UBA6: variants seen among roughly 807,000 people sequenced by gnomAD.
The protein encoded by UBA6 is ubiquitin-like modifier-activating enzyme 6.
In UBA6, 87 loss-of-function variants were observed where a neutral mutation model predicts 148.3. That is an observed-to-expected ratio of 0.59 (90% confidence interval 0.49 to 0.70). The LOEUF is 0.70. UBA6 is among the 30% of genes least tolerant of loss of function. UBA6 has a pLI of 0.00. For missense variants in UBA6, 1,186 were observed against 1,241.2 expected (o/e 0.96, Z 0.67); for synonymous variants, 376 against 401.0 (o/e 0.94, Z 0.75).
Position 67,622,936 on chromosome 4 carries a change from A to AT in UBA6, c.2929-12dup. The stretch of plus-strand genomic sequence containing the variant: ...AATTCCATACTTCTCCTAAAAGTGA[A>AT]TATCCAAAAAAGAAACAATGAAAGC... On this transcript the variant is annotated splice_polypyrimidine_tract_variant and intron_variant, in intron 31 of 32. Transcript: ENST00000322244. The AT allele has an allele frequency of 6.3e-7, 1 of 1,584,964 alleles. No homozygotes were observed. The highest frequency in any genetic ancestry group is 8.6e-7 in the Non-Finnish European group (1 of 1,163,024).
chr4:67,690,822 G>T (rs1344983613), intron 2 of UBA6, among the ~76,000 whole-genome samples: 1 of 152,100 alleles, frequency 6.6e-6, no homozygotes, highest in South Asian at 2.1e-4. Context: ...ACAATGTGGA[G>T]AAATTGGAAC....
In UBA6 at chr4:67,633,309, C is replaced by G. The variant is rs368992882; in HGVS notation, c.2142+36G>C. On this transcript the variant is annotated intron_variant, in intron 23 of 32. Coordinates refer to ENST00000322244, the MANE Select transcript of UBA6 (RefSeq NM_018227.6). Reference sequence around the variant, plus strand: ...TGTTAATAACTAAATAAGCCAAGATCAGACCTTTTCTTAATGTCTCACAAT... The same window carrying G: ...TGTTAATAACTAAATAAGCCAAGATGAGACCTTTTCTTAATGTCTCACAAT... The G allele has an allele frequency of 2.0e-4, 310 of 1,527,808 alleles. 1 individual carries two copies. The highest frequency in any genetic ancestry group is 1.2e-4 in the Non-Finnish European group (143 of 1,144,034). The allele number at this position is 1,527,808 out of a possible 1,614,324, so 94.6% of individuals were successfully genotyped here. A position where few individuals can be genotyped will look rare whatever the true frequency, so the allele number is the denominator to read the frequency against.
chr4:67,690,728 C>T (rs1173300098), intron 2 of UBA6, among the ~76,000 whole-genome samples: 1 of 151,928 alleles, frequency 6.6e-6, no homozygotes, highest in Non-Finnish European at 1.5e-5. Flanking sequence ...CAAACCAAAA[C>T]CACAATGAGA....
At chr4:67,637,238 G>A (rs1235257453) in intron 19 of UBA6, among the ~76,000 whole-genome samples, 2 of 146,260 alleles carry the variant, frequency 1.4e-5, no homozygotes. Context: ...GGCAGCACCC[G>A]TCTGGCCAGC....
intron 1 of UBA6, among the ~76,000 whole-genome samples, chr4:67,699,475 C>T (rs905857322): frequency 8.5e-5 from 13 of 152,286 alleles, no homozygotes; most frequent in Admixed American, 4.6e-4. Context: ...AAAACTGATT[C>T]CAATTACCAA....
At position 67,626,627 on chromosome 4, in the gene UBA6, C is replaced by T. The variant is rs186350017; in HGVS notation, c.2401-150G>A. On this transcript the variant is annotated intron_variant, in intron 27 of 32. Coordinates refer to ENST00000322244, the MANE Select transcript of UBA6 (RefSeq NM_018227.6). ...AATCATTGGTCCAATGTATTTTATA[C>T]GTTCCTTTAGAAGGTATTATTATGT... is the stretch of plus-strand genomic sequence containing the variant. 205 of 585,080 alleles carry T rather than the reference C, an allele frequency of 3.5e-4. 1 individual carries two copies. Among genetic ancestry groups the T allele is most frequent in the African/African-American group, 3.4e-3 (180 of 53,252 alleles). 36.2% of individuals were successfully genotyped at this position (585,080 alleles called of 1,614,324 possible).
intron 26 of UBA6, among the ~76,000 whole-genome samples, chr4:67,629,395 A>G (rs1728945958): frequency 6.6e-6 from 1 of 151,836 alleles, no homozygotes; most frequent in Non-Finnish European, 1.5e-5. Flanking sequence ...CCTTCTGCAA[A>G]TTTTTTAAAA....
At chr4:67,685,629 G>A (rs1184742523) in intron 2 of UBA6, among the ~76,000 whole-genome samples, 2 of 152,156 alleles carry the variant, frequency 1.3e-5, no homozygotes, top group African/African-American at 2.4e-5. Flanking sequence ...CTTAAACCCC[G>A]TTACGTAGGA....
At position 67,613,956 on chromosome 4, in the gene UBA6, CT is replaced by C. The variant is rs1052720004; in HGVS notation, c.*5040del. 4 of 151,896 alleles carry C rather than the reference CT, an allele frequency of 2.6e-5. No homozygotes were observed. The highest frequency in any genetic ancestry group is 9.7e-5 in the African/African-American group (4 of 41,314). 9.4% of individuals were successfully genotyped at this position (151,896 alleles called of 1,614,324 possible). ...CATTCTATAAAGAATCCCCTTTCCC[CT>C]TTACCCATTTTTTTTTTGTCCTTCC... On this transcript the variant is annotated 3_prime_UTR_variant, in exon 33 of 33. Transcript: ENST00000322244.
intron 6 of UBA6, among the ~76,000 whole-genome samples, chr4:67,676,899 G>GAAA (rs33997749): frequency 2.3e-5 from 3 of 128,120 alleles, no homozygotes; most frequent in Non-Finnish European, 5.1e-5. Context: ...TTTACTCACA[G>GAAA]AAAAAAAAAA....
intron 27 of UBA6, 52 bp from the exon 28 acceptor site, chr4:67,626,529 T>A: frequency 9.0e-7 from 1 of 1,108,430 alleles, no homozygotes; most frequent in Non-Finnish European, 1.3e-6. Flanking sequence ...CTGCATCTGT[T>A]TGGTTACCAT....
chr4:67,644,906 GA>G (rs1232197355), intron 16 of UBA6, 128 bp from the exon 17 acceptor site: 1 of 526,244 alleles, frequency 1.9e-6, no homozygotes, highest in African/African-American at 1.9e-5. Context: ...ACCAAATAAG[GA>G]AAAGCATAAT....
intron 1 of UBA6, among the ~76,000 whole-genome samples, chr4:67,698,861 G>A (rs899637666): frequency 6.6e-6 from 1 of 152,086 alleles, no homozygotes; most frequent in African/African-American, 2.4e-5. Flanking sequence ...TTGGGAGGCT[G>A]AGGTGGGAGA....
chr4:67,663,452 A>T (rs1404179818), intron 11 of UBA6: 1 of 401,098 alleles, frequency 2.5e-6, no homozygotes, highest in African/African-American at 2.1e-5. Flanking sequence ...ACAAATTTGG[A>T]AACTGTTAGT....
intron 2 of UBA6, among the ~76,000 whole-genome samples, chr4:67,685,545 G>A (rs1263427648): frequency 6.6e-6 from 1 of 152,094 alleles, no homozygotes; most frequent in Non-Finnish European, 1.5e-5. Context: ...TTTGCATTAT[G>A]AGGACAAAAA....
intron 19 of UBA6, chr4:67,638,136 T>G (rs1289722379): frequency 6.6e-6 from 1 of 152,104 alleles, no homozygotes; most frequent in African/African-American, 2.4e-5. Context: ...GAAGGCCTGG[T>G]AAGGAAAAGG....
rs761006313 is a variant in UBA6, at chr4:67,678,452, TAAC to T, written c.337_339del (p.Val113del). 26 of 1,594,322 alleles carry T rather than the reference TAAC, an allele frequency of 1.6e-5. No individual in the cohort carries two copies. The highest frequency in any genetic ancestry group is 2.1e-5 in the Non-Finnish European group (24 of 1,168,864). ...AAATATCTTTACCTGTTTCTCTTAT[TAAC>T]AACATCATCTTCACTGAGAAAGAAG... On this transcript the variant is annotated inframe_deletion, in exon 5 of 33. Transcript: ENST00000322244.
At chr4:67,651,234 G>GA (rs1729547646) in intron 13 of UBA6, among the ~76,000 whole-genome samples, 1 of 151,822 alleles carries the variant, frequency 6.6e-6, no homozygotes, top group African/African-American at 2.4e-5. Flanking sequence ...CAACGTAGGG[G>GA]AAAAAAACAA....
At chr4:67,663,117 A>G (rs1392548724) in intron 12 of UBA6, 22 bp downstream of exon 12, 1 of 1,568,910 alleles carries the variant, frequency 6.4e-7, no homozygotes. Flanking sequence ...GAAAATACTT[A>G]TTTTTAAACT....
Sources: allele counts gnomAD v4.1 joint callset (sites outside exome capture counted in the v4.1 genomes callset), GRCh38; gene constraint gnomAD v4.1.1; transcripts MANE v1.5; gene names NCBI Gene and HGNC (gene_info 2026-07-23, HGNC 2026-07-21).